Variants in GRK3 observed in about 807,000 individuals in gnomAD.
GRK3 encodes adrenergic, beta, receptor kinase 2.
A neutral mutation model predicts 95.7 loss-of-function variants in GRK3; 54 were observed. The observed-to-expected ratio is 0.56, with a 90% CI of 0.45 to 0.71. The LOEUF is 0.71. Among genes scored for constraint, GRK3 ranks in the 30% least tolerant of loss-of-function variants. GRK3 has a pLI of 0.00. For missense variants in GRK3, 649 were observed against 851.2 expected (o/e 0.76, Z 2.96); for synonymous variants, 281 against 290.8 (o/e 0.97, Z 0.34).
At chr22:25,645,182 A>G (rs2084771672) in intron 3 of GRK3, among the ~76,000 whole-genome samples, 2 of 152,210 alleles carry the variant, frequency 1.3e-5, no homozygotes, top group Admixed American at 1.3e-4. Context: ...GAGAGGCCAG[A>G]AACTTCCAGA....
At chr22:25,601,338 A>G (rs1393963417) in intron 1 of GRK3, among the ~76,000 whole-genome samples, 4 of 152,220 alleles carry the variant, frequency 2.6e-5, no homozygotes, top group Non-Finnish European at 4.4e-5. Flanking sequence ...AATTAAAGTA[A>G]AATTTAATAA....
chr22:25,570,265 C>A (rs1474720730), intron 1 of GRK3, among the ~76,000 whole-genome samples: 1 of 152,112 alleles, frequency 6.6e-6, no homozygotes, highest in African/African-American at 2.4e-5. Flanking sequence ...ACAAGTCATG[C>A]AATCTTGCTG....
chr22:25,679,297 G>A (rs1431195421), intron 9 of GRK3, among the ~76,000 whole-genome samples: 2 of 152,164 alleles, frequency 1.3e-5, no homozygotes, highest in African/African-American at 2.4e-5. Context: ...CTTCAGAAGC[G>A]AATCGAGAGA....
chr22:25,581,001 G>A (rs1230676784), intron 1 of GRK3: 1 of 152,240 alleles, frequency 6.6e-6, no homozygotes, highest in Non-Finnish European at 1.5e-5. Context: ...TGTAGTCCTA[G>A]CTACTTGGGA....
intron 3 of GRK3, among the ~76,000 whole-genome samples, chr22:25,646,457 G>A (rs2084783015): frequency 1.3e-5 from 2 of 152,060 alleles, no homozygotes; most frequent in Admixed American, 1.3e-4. Flanking sequence ...AGAGAATAGG[G>A]CAAAAGCAAT....
chr22:25,570,853 C>T (rs1931675302), intron 1 of GRK3, among the ~76,000 whole-genome samples: 1 of 152,126 alleles, frequency 6.6e-6, no homozygotes, highest in Non-Finnish European at 1.5e-5. Context: ...AATAATGTGG[C>T]TCTTCATATC....
chr22:25,718,168 C>T (rs1205734893), intron 18 of GRK3, 77 bp from the exon 19 acceptor site: 1 of 1,491,454 alleles, frequency 6.7e-7, no homozygotes, highest in Non-Finnish European at 9.1e-7. Context: ...CATGTCTGTT[C>T]TTTTTTCAGA....
intron 2 of GRK3, among the ~76,000 whole-genome samples, chr22:25,640,762 G>A (rs780083532): frequency 2.6e-5 from 4 of 151,936 alleles, no homozygotes; most frequent in South Asian, 2.1e-4. Context: ...TCGTGATGGC[G>A]GGTGTTACAT....
At chr22:25,711,528 C>T (rs558735750) in intron 17 of GRK3, among the ~76,000 whole-genome samples, 60 of 152,124 alleles carry the variant, frequency 3.9e-4, no homozygotes, top group African/African-American at 1.3e-3. Flanking sequence ...TAGATCTCCC[C>T]GTGTTAGGAT....
chr22:25,599,413 A>G (rs1402716094), intron 1 of GRK3, among the ~76,000 whole-genome samples: 1 of 152,090 alleles, frequency 6.6e-6, no homozygotes, highest in African/African-American at 2.4e-5. Flanking sequence ...TAACATGGTG[A>G]AACCCCGTCT....
intron 3 of GRK3, chr22:25,647,423 T>C (rs2084793450): frequency 7.6e-7 from 1 of 1,317,730 alleles, no homozygotes; most frequent in African/African-American, 1.4e-5. Context: ...ATTTCAGCCG[T>C]CTTTCCATTC....
chr22:25,714,410 A>G lies in GRK3; in HGVS notation c.1494A>G (p.Leu498=), dbSNP rs1482473211. The G allele has an allele frequency of 1.9e-6, 3 of 1,597,656 alleles. No homozygotes were observed. The highest frequency in any genetic ancestry group is 1.4e-5 in the African/African-American group (1 of 73,956). Reference sequence around the variant, plus strand: ...TCTTGATTTCTTAAAATAATCAGCTACTTGATTGCGACCAAGAACTCTACA... The same window carrying G: ...TCTTGATTTCTTAAAATAATCAGCTGCTTGATTGCGACCAAGAACTCTACA... The part of the protein sequence containing the change: ...FDEEDTKGIK[L]LDCDQELYKN... The change falls in exon 18 of 21, where the codon CTA becomes CTG. Residue 498 remains leucine, a splice_region_variant and synonymous_variant. Transcript: ENST00000324198.
chr22:25,564,952 C>A lies in GRK3; in HGVS notation c.-89C>A, dbSNP rs973849854. On this transcript the variant is annotated 5_prime_UTR_variant, in exon 1 of 21. Coordinates refer to ENST00000324198, the MANE Select transcript of GRK3 (RefSeq NM_005160.4). ...GGGGGCTGCCCCGGGGCGGCCCCCC[C>A]AGGTCGGGGCGCGGCGGGCGGCGGC... The A allele has an allele frequency of 3.7e-5, 10 of 272,782 alleles. No individual in the cohort carries two copies. Among genetic ancestry groups the A allele is most frequent in the East Asian group, 1.7e-4 (1 of 6,010 alleles). 16.9% of individuals were successfully genotyped at this position (272,782 alleles called of 1,614,324 possible).
chr22:25,716,221 C>G (rs748649369), intron 18 of GRK3, among the ~76,000 whole-genome samples: 7 of 152,160 alleles, frequency 4.6e-5, no homozygotes, highest in Non-Finnish European at 1.0e-4. Flanking sequence ...AACTCCTGAC[C>G]TCATGATCCG....
At position 25,644,685 on chromosome 22, in the gene GRK3, C is replaced by T; in HGVS notation, c.264+20C>T. On this transcript the variant is annotated intron_variant, in intron 3 of 20. Coordinates refer to ENST00000324198, the MANE Select transcript of GRK3 (RefSeq NM_005160.4). The stretch of plus-strand genomic sequence containing the variant: ...GAAGAGGTAAGAAGTAACTGTTTTA[C>T]TGATGCTTTTCTTTCAAAAGCATAT... 1 of 1,309,308 alleles carries T rather than the reference C, an allele frequency of 7.6e-7. No individual in the cohort carries two copies. Among genetic ancestry groups the T allele is most frequent in the South Asian group, 1.3e-5 (1 of 74,554 alleles). 81.1% of individuals were successfully genotyped at this position (1,309,308 alleles called of 1,614,324 possible).
chr22:25,664,481 G>T (rs576767378), intron 5 of GRK3, among the ~76,000 whole-genome samples: 2 of 150,044 alleles, frequency 1.3e-5, no homozygotes, highest in South Asian at 4.2e-4. Context: ...TCCTGGATAA[G>T]TTGGGCATTT....
chr22:25,618,356 C>T (rs2084555663), intron 2 of GRK3, among the ~76,000 whole-genome samples: 1 of 152,186 alleles, frequency 6.6e-6, no homozygotes, highest in African/African-American at 2.4e-5. Context: ...TTTATCCTGG[C>T]AATATATTGC....
intron 1 of GRK3, among the ~76,000 whole-genome samples, chr22:25,598,939 A>G (rs575797248): frequency 6.6e-6 from 1 of 152,250 alleles, no homozygotes; most frequent in Non-Finnish European, 1.5e-5. Flanking sequence ...TGCCAAGACA[A>G]TTTAGTGGGG....
At position 25,723,761 on chromosome 22, in the gene GRK3, CA is replaced by C. The variant is rs2085452987; in HGVS notation, c.*1312del. 6.6e-6 allele frequency: 1 copy of C among 152,246 alleles called. No homozygotes were observed. Among genetic ancestry groups the C allele is most frequent in the East Asian group, 1.9e-4 (1 of 5,184 alleles). The allele number at this position is 152,246 out of a possible 1,614,324, so 9.4% of individuals were successfully genotyped here. On this transcript the variant is annotated 3_prime_UTR_variant, in exon 21 of 21. Transcript: ENST00000324198. ...TGTATGTCTTTACATTAACTACTAA[CA>C]GTATAAATAACTTGACATCGTAATT...
Sources: allele counts gnomAD v4.1 joint callset (sites outside exome capture counted in the v4.1 genomes callset), GRCh38; gene constraint gnomAD v4.1.1; transcripts MANE v1.5; gene names NCBI Gene and HGNC (gene_info 2026-07-23, HGNC 2026-07-21).